The following TPD52 variants were observed in gnomAD, a reference collection of about 807,000 sequenced individuals.
TPD52 encodes the protein prostate and colon associated protein.
TPD52 carries 17 observed loss-of-function variants against 31.3 expected under a neutral mutation model. The observed-to-expected ratio is 0.54, with a 90% CI of 0.37 to 0.82. The LOEUF (loss-of-function observed/expected upper bound fraction) is 0.82, where lower values mean the gene tolerates loss of function less well. Among genes scored for constraint, TPD52 ranks in the 40% least tolerant of loss-of-function variants. The pLI, the probability that TPD52 is intolerant of heterozygous loss-of-function variation, is 0.00. For missense variants in TPD52, 212 were observed against 240.1 expected (o/e 0.88, Z 0.77); for synonymous variants, 83 against 89.6 (o/e 0.93, Z 0.42).
At chr8:80,061,056 T>C (rs1185691673) in intron 2 of TPD52, among the ~76,000 whole-genome samples, 4 of 152,086 alleles carry the variant, frequency 2.6e-5, no homozygotes, top group African/African-American at 7.2e-5. Flanking sequence ...ATTTCATATA[T>C]AGAAAATCCT....
chr8:80,073,230 T>C (rs1046674417), intron 1 of TPD52, among the ~76,000 whole-genome samples: 1 of 152,338 alleles, frequency 6.6e-6, no homozygotes, highest in East Asian at 1.9e-4. Context: ...ACAACAAAAA[T>C]GTATCATCTT....
chr8:80,086,093 T>G (rs1223490857), intron 1 of TPD52, among the ~76,000 whole-genome samples: 3 of 95,048 alleles, frequency 3.2e-5, no homozygotes, highest in Non-Finnish European at 4.6e-5. Flanking sequence ...TTGCTTCGGG[T>G]TTTTTTGCTT....
At chr8:80,051,408 CCTCACTCTAACAGGAG>C in intron 4 of TPD52, 103 bp downstream of exon 4, 1 of 891,850 alleles carries the variant, frequency 1.1e-6, no homozygotes. Context: ...GAGTGCCCTC[CCTCACTCTAACAGGAG>C]TAGCTAGCAT....
chr8:80,101,434 T>C (rs892089274), intron 1 of TPD52, among the ~76,000 whole-genome samples: 1 of 127,864 alleles, frequency 7.8e-6, no homozygotes, highest in African/African-American at 3.0e-5. Flanking sequence ...GGCGACAGAG[T>C]GAGACTCCCA....
chr8:80,069,048 TAAG>T (rs1219490125), intron 1 of TPD52, among the ~76,000 whole-genome samples: 2 of 152,158 alleles, frequency 1.3e-5, no homozygotes, highest in African/African-American at 4.8e-5. Flanking sequence ...GCAATTCAAA[TAAG>T]TTAGATTATG....
intron 1 of TPD52, among the ~76,000 whole-genome samples, chr8:80,069,380 C>T (rs919662177): frequency 6.6e-6 from 1 of 152,098 alleles, no homozygotes; most frequent in Non-Finnish European, 1.5e-5. Context: ...GCGGGAGGAT[C>T]GCTTGGGCCT....
At chr8:80,133,521 C>G (rs1400425770) in intron 1 of TPD52, among the ~76,000 whole-genome samples, 1 of 152,226 alleles carries the variant, frequency 6.6e-6, no homozygotes, top group African/African-American at 2.4e-5. Flanking sequence ...CCACCACTTT[C>G]TCCAGTTGCC....
chr8:80,168,984 T>C (rs994792797), intron 1 of TPD52, among the ~76,000 whole-genome samples: 1 of 152,046 alleles, frequency 6.6e-6, no homozygotes, highest in Non-Finnish European at 1.5e-5. Flanking sequence ...TGGTTTTGTT[T>C]TGTGTTTGTT....
At chr8:80,147,344 G>A (rs1810265137) in intron 1 of TPD52, among the ~76,000 whole-genome samples, 1 of 152,066 alleles carries the variant, frequency 6.6e-6, no homozygotes, top group Non-Finnish European at 1.5e-5. Flanking sequence ...GAGGTTCCGG[G>A]AACTAAGAGC....
At position 80,051,601 on chromosome 8, in the gene TPD52, G is replaced by T. The variant is rs1179794292; in HGVS notation, c.312C>A (p.Ser104=). 1.2e-6 allele frequency: 2 copies of T among 1,610,234 alleles called. No homozygotes were observed. Among genetic ancestry groups the T allele is most frequent in the African/African-American group, 2.7e-5 (2 of 74,474 alleles). ...CAGCTGAGGCCTTCTGTCCAGCCTG[G>T]GATAAGGTTTCAGATGTCTTCTTGT... ...SAYKKTSETL[S]QAGQKASAAF... is the part of the protein sequence containing the mutation. The change falls in exon 4 of 8, where the codon TCC becomes TCA. Residue 104 remains serine, a synonymous_variant. Transcript: ENST00000518937.
intron 1 of TPD52, among the ~76,000 whole-genome samples, chr8:80,132,423 G>A (rs1482904086): frequency 6.6e-6 from 1 of 151,964 alleles, no homozygotes; most frequent in African/African-American, 2.4e-5. Context: ...GTCCAGGCTG[G>A]TCTCAAACTC....
Position 80,042,611 on chromosome 8 carries a change from T to C in TPD52, c.504+9A>G. 6.2e-7 allele frequency: 1 copy of C among 1,610,088 alleles called. No individual in the cohort carries two copies. Among genetic ancestry groups the C allele is most frequent in the Non-Finnish European group, 8.5e-7 (1 of 1,177,934 alleles). On this transcript the variant is annotated intron_variant, in intron 7 of 7. Coordinates refer to ENST00000518937, the MANE Select transcript of TPD52 (RefSeq NM_001025253.3). ...GTATCAAAAAGACCCTGTTCATCTCTCTACTTGCCTTTAAGTTTTCGACCT... is the reference window on the plus strand; with the variant it reads ...GTATCAAAAAGACCCTGTTCATCTCCCTACTTGCCTTTAAGTTTTCGACCT...
At chr8:80,080,983 T>C (rs1413660774) in intron 1 of TPD52, among the ~76,000 whole-genome samples, 1 of 152,192 alleles carries the variant, frequency 6.6e-6, no homozygotes, top group Non-Finnish European at 1.5e-5. Context: ...GTGATACTTT[T>C]TTTCCACCCT....
At chr8:80,155,720 C>T (rs1056550723) in intron 1 of TPD52, among the ~76,000 whole-genome samples, 1 of 152,000 alleles carries the variant, frequency 6.6e-6, no homozygotes, top group East Asian at 1.9e-4. Flanking sequence ...TCTGTCTCTA[C>T]TAAAAATACA....
intron 1 of TPD52, among the ~76,000 whole-genome samples, chr8:80,129,132 T>C (rs192026205): frequency 9.8e-5 from 15 of 152,288 alleles, no homozygotes; most frequent in African/African-American, 3.4e-4. Flanking sequence ...CTCCTATATA[T>C]TAGATATACA....
At chr8:80,090,553 T>C (rs1253348470) in intron 1 of TPD52, among the ~76,000 whole-genome samples, 1 of 152,226 alleles carries the variant, frequency 6.6e-6, no homozygotes, top group African/African-American at 2.4e-5. Context: ...TTAAATCATG[T>C]TGGCATTCTT....
intron 1 of TPD52, among the ~76,000 whole-genome samples, chr8:80,102,824 G>A (rs1586303110): frequency 6.6e-6 from 1 of 152,160 alleles, no homozygotes; most frequent in Non-Finnish European, 1.5e-5. Context: ...CTTGTTGGGA[G>A]GGGAGAGGGG....
At chr8:80,144,478 C>A (rs919935963) in intron 1 of TPD52, among the ~76,000 whole-genome samples, 2 of 152,190 alleles carry the variant, frequency 1.3e-5, no homozygotes, top group African/African-American at 2.4e-5. Context: ...TCCTGAGGGC[C>A]TGTCTTTGTC....
At chr8:80,114,506 A>G (rs1807724297) in intron 1 of TPD52, among the ~76,000 whole-genome samples, 1 of 152,094 alleles carries the variant, frequency 6.6e-6, no homozygotes, top group South Asian at 2.1e-4. Context: ...TATTTGTTGC[A>G]TTAATTAGTT....
Sources: allele counts gnomAD v4.1 joint callset (sites outside exome capture counted in the v4.1 genomes callset), GRCh38; gene constraint gnomAD v4.1.1; transcripts MANE v1.5; gene names NCBI Gene and HGNC (gene_info 2026-07-23, HGNC 2026-07-21).